ARMCX4: variants seen among roughly 807,000 people sequenced by gnomAD.
The protein encoded by ARMCX4 is armadillo repeat-containing X-linked protein 4.
ARMCX4 carries 3 observed loss-of-function variants against 34.7 expected under a neutral mutation model. That is an observed-to-expected ratio of 0.09 (90% CI 0.04 to 0.22). The LOEUF (loss-of-function observed/expected upper bound fraction) is 0.22. Among genes scored for constraint, ARMCX4 ranks in the 10% least tolerant of loss-of-function variants. The pLI is 1.00. For missense variants in ARMCX4, 1,448 were observed against 1,720.8 expected (o/e 0.84, Z 2.81); for synonymous variants, 513 against 632.8 (o/e 0.81, Z 2.84).
rs941749991 is a variant in ARMCX4 at position 101,445,068 on chromosome X, A to T, written n.268+913A>T. 3.6e-5 allele frequency among the ~76,000 whole-genome samples: 4 copies of T among 112,228 alleles called. No homozygotes were observed. In the South Asian group the frequency reaches 1.5e-3, roughly 42 times the overall value. ...TTTGAGATTAAATTTAGGAGTTAAA[A>T]TTTTAGAAAGTAAGACATGATGTAT... On this transcript the variant is annotated intron_variant and non_coding_transcript_variant, in intron 3 of 3. Transcript: ENST00000430461.
chrX:101,462,665 T>C (rs1343041790), intron 4 of ARMCX4, among the ~76,000 whole-genome samples: 2 of 109,101 alleles, frequency 1.8e-5, no homozygotes, highest in African/African-American at 3.3e-5. Flanking sequence ...AGATAAAAAT[T>C]TGTAAAGAGC....
chrX:101,477,621 T>C (rs1478424316), intron 4 of ARMCX4, among the ~76,000 whole-genome samples: 2 of 109,193 alleles, frequency 1.8e-5, no homozygotes, highest in Non-Finnish European at 3.8e-5. Flanking sequence ...TCCTAACGCA[T>C]TTCATAAGGC....
intron 4 of ARMCX4, among the ~76,000 whole-genome samples, chrX:101,473,526 C>T (rs1446395706): frequency 9.3e-6 from 1 of 107,433 alleles, no homozygotes; most frequent in Admixed American, 1.0e-4. Context: ...CACCACACCA[C>T]ACCTATTCCA....
chrX:101,450,723 A>G (rs782416301), downstream of ARMCX4, among the ~76,000 whole-genome samples: 1 of 112,150 alleles, frequency 8.9e-6, no homozygotes, highest in Admixed American at 9.5e-5. Flanking sequence ...CCCATAGTGT[A>G]CTTTCTGGAT....
chrX:101,518,789 T>TAATCGAATAATAATAATAA (rs1556018488), intron 11 of ARMCX4, among the ~76,000 whole-genome samples: 1 of 111,318 alleles, frequency 9.0e-6, no homozygotes, highest in Non-Finnish European at 1.9e-5. Context: ...ATCAGATAAG[T>TAATCGAATAATAATAATAA]TAAATTCGAA....
chrX:101,500,003 A>C (rs1934261105), downstream of ARMCX4, among the ~76,000 whole-genome samples: 1 of 112,062 alleles, frequency 8.9e-6, no homozygotes, highest in Non-Finnish European at 1.9e-5. Context: ...CCTACAACGC[A>C]TGTGTAGTAA....
At chrX:101,449,028 C>T (rs1428106515), downstream of ARMCX4, among the ~76,000 whole-genome samples, 1 of 108,735 alleles carries the variant, frequency 9.2e-6, no homozygotes, top group Middle Eastern at 4.3e-3. Flanking sequence ...TCTTGTGCCT[C>T]ACCCACGCAG....
At chrX:101,432,936 G>A (rs367589920) in intron 2 of ARMCX4, among the ~76,000 whole-genome samples, 1 of 74,515 alleles carries the variant, frequency 1.3e-5, no homozygotes. Flanking sequence ...ATATATATAC[G>A]TGTATATATA....
chrX:101,524,183 ATAATTG>A (rs1470697427), intron 11 of ARMCX4: 1 of 112,101 alleles, frequency 8.9e-6, no homozygotes, highest in Non-Finnish European at 1.9e-5. Flanking sequence ...ATTTGAGGAA[ATAATTG>A]TCAAAATTTT....
chrX:101,465,148 G>A (rs1203245228), intron 4 of ARMCX4, among the ~76,000 whole-genome samples: 1 of 111,080 alleles, frequency 9.0e-6, no homozygotes, highest in African/African-American at 3.3e-5. Context: ...CAAATACAAA[G>A]CAAAAAGTAA....
intron 4 of ARMCX4, among the ~76,000 whole-genome samples, chrX:101,472,288 C>T (rs1230390218): frequency 1.9e-4 from 5 of 26,170 alleles, no homozygotes; most frequent in Admixed American, 5.8e-4. Context: ...GCAAAGCCTC[C>T]AAGAAATATG....
At chrX:101,419,213 C>T (rs183263368) in intron 2 of ARMCX4, 1 of 111,091 alleles carries the variant, frequency 9.0e-6, no homozygotes, top group East Asian at 2.8e-4. Context: ...TTATTTCACG[C>T]GTGGTAGTTT....
intron 2 of ARMCX4, among the ~76,000 whole-genome samples, chrX:101,433,039 T>C (rs1336130542): frequency 1.4e-5 from 1 of 73,909 alleles, no homozygotes; most frequent in East Asian, 4.2e-4. Context: ...CACGTGTATA[T>C]ACACACATAT....
chrX:101,530,580 C>A (rs1935106645), intron 11 of ARMCX4, among the ~76,000 whole-genome samples: 1 of 111,781 alleles, frequency 8.9e-6, no homozygotes, highest in African/African-American at 3.2e-5. Flanking sequence ...TCTAGGGGAA[C>A]AATAATTTGA....
chrX:101,419,368 G>A lies in ARMCX4; in HGVS notation n.164+368G>A, dbSNP rs782593940. On this transcript the variant is annotated intron_variant and non_coding_transcript_variant, in intron 2 of 3. Transcript: ENST00000430461. Reference sequence around the variant, plus strand: ...GAGATAACGAAAATGTCCCAACTTAGATTGTGGTGATAGTTCGCACAACTC... The same window carrying A: ...GAGATAACGAAAATGTCCCAACTTAAATTGTGGTGATAGTTCGCACAACTC... Among the ~76,000 whole-genome samples the A allele has an allele frequency of 1.2e-4, 13 of 111,603 alleles. No homozygotes were observed. The East Asian group carries it at 3.6e-3, about 31-fold the overall frequency.
At chrX:101,454,586 C>T (rs929059687) in intron 4 of ARMCX4, among the ~76,000 whole-genome samples, 1 of 110,460 alleles carries the variant, frequency 9.1e-6, no homozygotes, top group Non-Finnish European at 1.9e-5. Context: ...GCGCCTGGCT[C>T]ATCATGGCCA....
intron 1 of ARMCX4, among the ~76,000 whole-genome samples, chrX:101,418,554 G>A (rs977819503): frequency 8.9e-6 from 1 of 112,265 alleles, no homozygotes. Context: ...CCGGGCACAG[G>A]CCTAGTCGTG....
In ARMCX4 at chrX:101,488,890, T is replaced by A; in HGVS notation, c.301T>A (p.Ser101Thr). 8.7e-7 allele frequency: 1 copy of A among 1,155,987 alleles called. No individual in the cohort carries two copies. The highest frequency in any genetic ancestry group is 1.1e-6 in the Non-Finnish European group (1 of 872,947). The change falls in exon 6 of 6, where the codon TCT becomes ACT. Residue 101 changes from serine to threonine, a missense_variant. By Grantham distance (58) the Ser-to-Thr change is moderately conservative. Coordinates refer to ENST00000423738, the MANE Select transcript of ARMCX4 (RefSeq NM_001256155.3). ...ATAIAIHRAN[S>T]QAKAMVGAEP... ...TGCTATAGCCATACACAGAGCCAAC[T>A]CTCAGGCCAAGGCAATGGTTGGGGC...
downstream of ARMCX4, chrX:101,498,519 C>A: frequency 8.0e-6 from 1 of 124,344 alleles, no homozygotes; most frequent in Non-Finnish European, 1.7e-5. Context: ...TGTTGCTAAG[C>A]AGATTGAGCT....
Sources: allele counts gnomAD v4.1 joint callset (sites outside exome capture counted in the v4.1 genomes callset), GRCh38; gene constraint gnomAD v4.1.1; transcripts MANE v1.5; gene names NCBI Gene and HGNC (gene_info 2026-07-23, HGNC 2026-07-21).